HOXA3: variants seen among roughly 807,000 people sequenced by gnomAD.
The protein encoded by HOXA3 is homeobox A3, also known as homeobox protein Hox-A3.
A neutral mutation model predicts 30.3 loss-of-function variants in HOXA3; 8 were observed. That is an observed-to-expected ratio of 0.26 (90% CI 0.15 to 0.48). The LOEUF is 0.48. Ranked by LOEUF, HOXA3 falls within the 20% of genes least tolerant of loss-of-function variation. The pLI is 0.99. For missense variants in HOXA3, 653 were observed against 614.4 expected (o/e 1.06, Z -0.66); for synonymous variants, 323 against 273.1 (o/e 1.18, Z -1.80).
intron 1 of HOXA3, among the ~76,000 whole-genome samples, chr7:27,149,653 A>G (rs1269463798): frequency 6.6e-6 from 1 of 152,268 alleles, no homozygotes; most frequent in East Asian, 1.9e-4. Context: ...CATATAAAGC[A>G]GGGCCTCGAA....
intron 2 of HOXA3, among the ~76,000 whole-genome samples, chr7:27,135,541 A>G (rs771953183): frequency 9.2e-5 from 14 of 152,122 alleles, no homozygotes; most frequent in Non-Finnish European, 1.6e-4. Context: ...AGCGGACTGT[A>G]GTTTCAGAAA....
Position 27,108,477 on chromosome 7 carries a change from G to T in HOXA3, c.770C>A (p.Thr257Lys), listed in dbSNP as rs1397701408. 6.2e-7 allele frequency: 1 copy of T among 1,613,988 alleles called. No homozygotes were observed. Among genetic ancestry groups the T allele is most frequent in the African/African-American group, 1.3e-5 (1 of 74,918 alleles). The change falls in exon 6 of 6, where the codon ACG (threonine) becomes AAG (lysine). Residue 257 changes from threonine to lysine, a missense_variant. By Grantham distance (78) the Thr-to-Lys change is moderately conservative. This residue lies in a region of HOXA3 where 330 missense variants were observed against 274.4 expected (regional missense o/e 1.20). Transcript: ENST00000612286. This position sits in a 1 kb window ranked among gnomAD's most constrained non-coding sequence, Gnocchi z 5.0. ...ACTTGGAGACTGGCCCCCCGATGAC[G>T]TTAGCATGCCCTTGCCCTTCTGATC... ...KKDQKGKGML[T>K]SSGGQSPSRS...
chr7:27,144,851 G>A (rs547145510), intron 1 of HOXA3, among the ~76,000 whole-genome samples: 21 of 152,356 alleles, frequency 1.4e-4, no homozygotes, highest in African/African-American at 4.8e-4. Flanking sequence ...ACGTCTGGAA[G>A]CCAGGACTCT....
intron 1 of HOXA3, chr7:27,151,439 G>A: frequency 2.8e-6 from 1 of 353,628 alleles, no homozygotes; most frequent in Non-Finnish European, 5.7e-6. Context: ...TCCCCCTATC[G>A]CCCAGACTCG....
rs1469871104 is a variant in HOXA3, at chr7:27,143,354, C to T, written c.-493-3168G>A. The T allele has an allele frequency of 3.1e-6, 5 of 1,593,226 alleles. No individual in the cohort carries two copies. In the East Asian group the frequency reaches 6.8e-5, roughly 22 times the overall value. ...CGTGGACGTGGCCGGCTGGCTGTAC[C>T]TGGGCTCGGCGGGCGCCGCGCTGGC... On this transcript the variant is annotated intron_variant, in intron 1 of 5. Transcript: ENST00000612286.
At chr7:27,137,354 T>C (rs1420796427) in intron 2 of HOXA3, among the ~76,000 whole-genome samples, 4 of 152,154 alleles carry the variant, frequency 2.6e-5, no homozygotes, top group African/African-American at 9.7e-5. Context: ...CCTGTTGTAT[T>C]TATAGTTCAG....
At chr7:27,151,814 G>T in intron 1 of HOXA3, 1 of 381,036 alleles carries the variant, frequency 2.6e-6, no homozygotes, top group South Asian at 1.9e-5. Context: ...CACCTTCCCA[G>T]GTCAAGGATG....
chr7:27,145,815 C>T (rs764129431), intron 1 of HOXA3: 2 of 1,614,152 alleles, frequency 1.2e-6, no homozygotes, highest in Non-Finnish European at 1.7e-6. Flanking sequence ...GCGGCGGCGC[C>T]GTGTCAGGTA....
intron 3 of HOXA3, among the ~76,000 whole-genome samples, chr7:27,126,393 A>G (rs1785285043): frequency 6.6e-6 from 1 of 152,138 alleles, no homozygotes; most frequent in Admixed American, 6.5e-5. Flanking sequence ...AGCTTACACA[A>G]AATACTGTCT....
intron 2 of HOXA3, among the ~76,000 whole-genome samples, chr7:27,138,650 C>A (rs1362597026): frequency 6.6e-6 from 1 of 152,182 alleles, no homozygotes; most frequent in Non-Finnish European, 1.5e-5. Flanking sequence ...TGGGTTTTGC[C>A]ATTGAAGAAT....
rs780264576 is a variant in HOXA3 at position 27,130,713 on chromosome 7, C to A, written c.-389-3643G>T. On this transcript the variant is annotated intron_variant, in intron 2 of 5. Coordinates refer to ENST00000612286, the MANE Select transcript of HOXA3 (RefSeq NM_153631.3). ...TGGGCTCGATGTAGTTGGAGTTTATCAAAAACGAGCTCATGGTCATTAATT... is the reference window on the plus strand; with the variant it reads ...TGGGCTCGATGTAGTTGGAGTTTATAAAAAACGAGCTCATGGTCATTAATT... The A allele has an allele frequency of 1.6e-5, 26 of 1,607,520 alleles. No individual in the cohort carries two copies. The highest frequency in any genetic ancestry group is 2.2e-5 in the East Asian group (1 of 44,624).
intron 1 of HOXA3, chr7:27,151,754 G>T: frequency 2.2e-6 from 1 of 450,166 alleles, no homozygotes. Flanking sequence ...GTGCTGTGCT[G>T]ATGCTAATAA....
intron 2 of HOXA3, among the ~76,000 whole-genome samples, chr7:27,136,178 G>A (rs1785706740): frequency 6.6e-6 from 1 of 152,154 alleles, no homozygotes; most frequent in Non-Finnish European, 1.5e-5. Flanking sequence ...CGCACTAACC[G>A]CAAAGATACA....
At chr7:27,142,052 C>A in intron 1 of HOXA3, 1 of 1,614,044 alleles carries the variant, frequency 6.2e-7, no homozygotes, top group Non-Finnish European at 8.5e-7. Context: ...GTAGGCCGTC[C>A]GGGCCCTTTT....
rs919889422 is a variant in HOXA3 at position 27,118,160 on chromosome 7, C to T, written c.-121+4399G>A. 2.0e-5 allele frequency among the ~76,000 whole-genome samples: 3 copies of T among 152,336 alleles called. No individual in the cohort carries two copies. The East Asian group carries it at 5.8e-4, about 29-fold the overall frequency. ...CGGCGGAAATACCTTAAAATAAATTCCATCCTCCTGGTATAGCCTCGACTT... is the reference window on the plus strand; with the variant it reads ...CGGCGGAAATACCTTAAAATAAATTTCATCCTCCTGGTATAGCCTCGACTT... On this transcript the variant is annotated intron_variant, in intron 4 of 5. Transcript: ENST00000612286.
At chr7:27,144,147 C>T (rs1017218683) in intron 1 of HOXA3, among the ~76,000 whole-genome samples, 1 of 152,228 alleles carries the variant, frequency 6.6e-6, no homozygotes, top group Non-Finnish European at 1.5e-5. Flanking sequence ...TTATTTCCCC[C>T]GTTTTGCAGC....
chr7:27,147,144 AT>A, intron 1 of HOXA3: 1 of 720,730 alleles, frequency 1.4e-6, no homozygotes, highest in South Asian at 2.0e-5. Context: ...TGATAGCCCC[AT>A]TGGGAACTGA....
chr7:27,134,484 G>A (rs1182131716), intron 2 of HOXA3, among the ~76,000 whole-genome samples: 6 of 152,192 alleles, frequency 3.9e-5, no homozygotes, highest in Admixed American at 1.3e-4. Flanking sequence ...AAGCTGACAT[G>A]TCTATAAGGT....
At chr7:27,128,272 C>G (rs1583393947) in intron 2 of HOXA3, 1 of 152,206 alleles carries the variant, frequency 6.6e-6, no homozygotes, top group Admixed American at 6.5e-5. Flanking sequence ...AGAAGAGGAG[C>G]CCTCTCAGAG....
Sources: allele counts gnomAD v4.1 joint callset (sites outside exome capture counted in the v4.1 genomes callset), GRCh38; gene constraint gnomAD v4.1.1; regional missense constraint gnomAD v4.1.1; non-coding constraint Gnocchi (gnomAD v3.1); transcripts MANE v1.5; gene names NCBI Gene and HGNC (gene_info 2026-07-23, HGNC 2026-07-21).